Variants in TNS3 observed in about 807,000 individuals in gnomAD.
TNS3 encodes tensin-3.
In TNS3, 45 loss-of-function variants were observed where a neutral mutation model predicts 140.9. That is an observed-to-expected ratio of 0.32 (90% CI 0.25 to 0.41). The LOEUF (loss-of-function observed/expected upper bound fraction) is 0.41. Ranked by LOEUF, TNS3 falls within the 10% of genes least tolerant of loss-of-function variation. TNS3 has a pLI of 1.00. For synonymous variants in TNS3, 815 were observed against 788.4 expected (o/e 1.03, Z -0.56); for missense variants, 1,716 against 1,906.7 (o/e 0.90, Z 1.86).
intron 1 of TNS3, among the ~76,000 whole-genome samples, chr7:47,551,492 A>T (rs909076121): frequency 6.6e-6 from 1 of 152,250 alleles, no homozygotes; most frequent in African/African-American, 2.4e-5. Context: ...GTTCCAGCAT[A>T]GCCACCAGGA....
At chr7:47,430,803 C>A (rs1206780920) in intron 8 of TNS3, among the ~76,000 whole-genome samples, 1 of 151,902 alleles carries the variant, frequency 6.6e-6, no homozygotes, top group African/African-American at 2.4e-5. Flanking sequence ...TCACTACAAC[C>A]TCCACCGCCT....
At chr7:47,283,061 T>C (rs1283733202) in intron 28 of TNS3, among the ~76,000 whole-genome samples, 1 of 152,108 alleles carries the variant, frequency 6.6e-6, no homozygotes, top group African/African-American at 2.4e-5. Context: ...AACCACACAA[T>C]ACAAAATAAT....
chr7:47,497,662 A>AACACACACACACACAC (rs6150097), intron 3 of TNS3, among the ~76,000 whole-genome samples: 144 of 91,218 alleles, frequency 1.6e-3, no homozygotes, highest in African/African-American at 3.6e-3. Flanking sequence ...TCACGTATGG[A>AACACACACACACACAC]ACACACACAC....
intron 10 of TNS3, among the ~76,000 whole-genome samples, chr7:47,423,337 G>A (rs1020783576): frequency 6.6e-6 from 1 of 152,228 alleles, no homozygotes; most frequent in African/African-American, 2.4e-5. Context: ...GGAAGTAAGT[G>A]CACCTGGATG....
At chr7:47,512,378 C>T (rs1212997218) in intron 2 of TNS3, among the ~76,000 whole-genome samples, 2 of 152,224 alleles carry the variant, frequency 1.3e-5, no homozygotes, top group Non-Finnish European at 1.5e-5. Flanking sequence ...GCACACATTT[C>T]CCCTTCTGTA....
At chr7:47,340,015 C>G (rs1315998713) in intron 20 of TNS3, among the ~76,000 whole-genome samples, 5 of 126,164 alleles carry the variant, frequency 4.0e-5, no homozygotes, top group Non-Finnish European at 6.5e-5. Flanking sequence ...CCTCTATGTC[C>G]TTTTCATAAA....
chr7:47,284,457 C>G (rs1413084849), intron 27 of TNS3, among the ~76,000 whole-genome samples: 2 of 152,204 alleles, frequency 1.3e-5, no homozygotes, highest in Admixed American at 6.5e-5. Context: ...AGCTGTGGGT[C>G]TTGTCCCTGA....
At position 47,506,949 on chromosome 7, in the gene TNS3, G is replaced by A. The variant is rs334497; in HGVS notation, c.-152-5C>T. 646,769 of 1,122,194 alleles carry A rather than the reference G, an allele frequency of 0.58. 143,117 individuals carry two copies. The highest frequency in any genetic ancestry group is 0.62 in the Admixed American group (23,865 of 38,768). 69.5% of individuals were successfully genotyped at this position (1,122,194 alleles called of 1,614,324 possible). ...TGTGGCAGGAATACTTGCAGGCTGG[G>A]AAAAAAAAAAAGAGAAAGAATGTGT... On this transcript the variant is annotated splice_polypyrimidine_tract_variant and splice_region_variant and intron_variant, in intron 2 of 30. Transcript: ENST00000311160.
intron 17 of TNS3, among the ~76,000 whole-genome samples, chr7:47,347,607 C>T (rs1789420405): frequency 6.6e-6 from 1 of 151,998 alleles, no homozygotes. Context: ...CCAGGCTGTA[C>T]ACCACCCTCC....
At chr7:47,557,628 T>C (rs1800229577) in intron 1 of TNS3, among the ~76,000 whole-genome samples, 1 of 152,178 alleles carries the variant, frequency 6.6e-6, no homozygotes, top group African/African-American at 2.4e-5. Context: ...CTCTGGGATT[T>C]TTCATCCTAG....
chr7:47,375,832 A>G (rs2151189649), intron 16 of TNS3, among the ~76,000 whole-genome samples: 1 of 152,316 alleles, frequency 6.6e-6, no homozygotes, highest in Non-Finnish European at 1.5e-5. Context: ...CTGATGTGTA[A>G]TCCACTGAAC....
chr7:47,340,110 TATA>T (rs1408850209), intron 20 of TNS3, among the ~76,000 whole-genome samples: 97 of 47,536 alleles, frequency 2.0e-3, no homozygotes, highest in African/African-American at 5.7e-3. Flanking sequence ...TATATATATA[TATA>T]TATTTTTTTT....
At chr7:47,359,526 A>G (rs1790199121) in intron 17 of TNS3, among the ~76,000 whole-genome samples, 1 of 152,242 alleles carries the variant, frequency 6.6e-6, no homozygotes, top group Admixed American at 6.5e-5. Context: ...TACACTTAAA[A>G]ATGATTAAAA....
chr7:47,330,520 A>T (rs1353357627), intron 20 of TNS3, among the ~76,000 whole-genome samples: 1 of 152,152 alleles, frequency 6.6e-6, no homozygotes, highest in Admixed American at 6.5e-5. Context: ...AGGGAGGGTG[A>T]CACCAAATCC....
In TNS3 at chr7:47,396,796, G is replaced by A. The variant is rs376003735; in HGVS notation, c.1024+4C>T. ...ATAACTGCACACAAGATGAACACAC[G>A]CACCTTCTCCATCTGCACTGAGGTT... On this transcript the variant is annotated splice_donor_region_variant and intron_variant, in intron 16 of 30. Transcript: ENST00000311160. 449 of 1,609,162 alleles carry A rather than the reference G, an allele frequency of 2.8e-4. No individual in the cohort carries two copies. Among genetic ancestry groups the A allele is most frequent in the Non-Finnish European group, 3.7e-4 (434 of 1,175,564 alleles).
intron 16 of TNS3, among the ~76,000 whole-genome samples, chr7:47,390,695 G>A (rs1792461159): frequency 6.6e-6 from 1 of 152,204 alleles, no homozygotes; most frequent in African/African-American, 2.4e-5. Context: ...GAGTGACAGA[G>A]CAGGCCTTCA....
intron 27 of TNS3, among the ~76,000 whole-genome samples, chr7:47,288,238 G>C (rs1184286547): frequency 1.3e-5 from 2 of 152,176 alleles, no homozygotes; most frequent in Non-Finnish European, 2.9e-5. Flanking sequence ...TCAGGAGCCA[G>C]AGCTGCCAAC....
At chr7:47,481,603 G>A (rs1797421087) in intron 3 of TNS3, 3 of 953,180 alleles carry the variant, frequency 3.1e-6, no homozygotes, top group South Asian at 9.7e-5. Context: ...ATCTTTTCTA[G>A]AACTATTTCT....
intron 3 of TNS3, among the ~76,000 whole-genome samples, chr7:47,488,461 G>A (rs951685788): frequency 6.6e-6 from 1 of 152,148 alleles, no homozygotes; most frequent in Non-Finnish European, 1.5e-5. Flanking sequence ...TCCTCCTGAG[G>A]CCTCTCTCCC....
Sources: gnomAD v4.1 joint callset for allele counts (sites outside exome capture counted in the v4.1 genomes callset) on GRCh38, gnomAD v4.1.1 for gene constraint, MANE v1.5 for transcripts, NCBI Gene and HGNC (gene_info 2026-07-23, HGNC 2026-07-21) for gene names.